Variants in PIBF1 observed in about 807,000 individuals in gnomAD.
PIBF1 encodes progesterone-induced-blocking factor 1.
Under a neutral mutation model 112.5 loss-of-function variants are expected in PIBF1, and 90 were observed. The observed-to-expected ratio is 0.80, with a 90% CI of 0.67 to 0.95. PIBF1 has a LOEUF of 0.95. PIBF1 is among the 40% of genes least tolerant of loss of function. PIBF1 has a pLI of 0.00. For synonymous variants in PIBF1, 301 were observed against 288.6 expected (o/e 1.04, Z -0.44); for missense variants, 915 against 852.3 (o/e 1.07, Z -0.92).
At chr13:72,786,336 T>C (rs901166939) in intron 2 of PIBF1, among the ~76,000 whole-genome samples, 24 of 152,362 alleles carry the variant, frequency 1.6e-4, no homozygotes, top group African/African-American at 5.8e-4. Context: ...CTGCTGTTTT[T>C]CTAATGTATT....
chr13:72,810,360 A>G (rs888020212), intron 5 of PIBF1, among the ~76,000 whole-genome samples: 2 of 152,238 alleles, frequency 1.3e-5, no homozygotes, highest in Non-Finnish European at 2.9e-5. Flanking sequence ...AAACTATTAA[A>G]TTTCATGAGG....
At chr13:72,916,681 A>G (rs991522484) in intron 12 of PIBF1, among the ~76,000 whole-genome samples, 5 of 152,104 alleles carry the variant, frequency 3.3e-5, no homozygotes, top group Non-Finnish European at 5.9e-5. Flanking sequence ...CTGATAAAAT[A>G]ATATTTGTCC....
At chr13:72,793,491 G>GTGCA (rs780531436) in intron 3 of PIBF1, among the ~76,000 whole-genome samples, 1 of 152,158 alleles carries the variant, frequency 6.6e-6, no homozygotes, top group Non-Finnish European at 1.5e-5. Context: ...TCCTGAGAAT[G>GTGCA]TGCATTTTTA....
At chr13:72,982,457 T>TA (rs1305907201) in intron 16 of PIBF1, among the ~76,000 whole-genome samples, 2 of 151,772 alleles carry the variant, frequency 1.3e-5, no homozygotes, top group Non-Finnish European at 2.9e-5. Flanking sequence ...AAAATAAAAA[T>TA]AAAAAAATAT....
At chr13:72,897,671 A>G (rs765030942) in intron 11 of PIBF1, among the ~76,000 whole-genome samples, 7 of 152,226 alleles carry the variant, frequency 4.6e-5, no homozygotes, top group Admixed American at 2.0e-4. Context: ...CTATTCTTAC[A>G]TCAGACAAAA....
At chr13:72,913,052 G>A (rs1399130934) in intron 12 of PIBF1, among the ~76,000 whole-genome samples, 1 of 151,164 alleles carries the variant, frequency 6.6e-6, no homozygotes, top group Non-Finnish European at 1.5e-5. Flanking sequence ...AAGGGGTGGG[G>A]GTAAAAATTT....
At position 72,928,029 on chromosome 13, in the gene PIBF1, A is replaced by G. The variant is rs1469779828; in HGVS notation, c.1731-3136A>G. Among the ~76,000 whole-genome samples the G allele has an allele frequency of 2.4e-3, 31 of 12,880 alleles. 2 individuals are homozygous for G. The South Asian group carries it at 0.1, about 42-fold the overall frequency. The allele number at this position is 12,880 out of a possible 152,430, so 8.4% of individuals were successfully genotyped here. The stretch of plus-strand genomic sequence containing the variant: ...TACATATATATACATATATATACAT[A>G]TATATATATATATATACATATATAT... On this transcript the variant is annotated intron_variant, in intron 13 of 17. Transcript: ENST00000326291.
chr13:72,938,804 A>G (rs2041939574), intron 14 of PIBF1, among the ~76,000 whole-genome samples: 1 of 152,218 alleles, frequency 6.6e-6, no homozygotes, highest in South Asian at 2.1e-4. Flanking sequence ...CAGGGGTTCC[A>G]ATTTTTCCAC....
intron 16 of PIBF1, among the ~76,000 whole-genome samples, chr13:72,995,655 T>C (rs1200832735): frequency 6.6e-6 from 1 of 151,870 alleles, no homozygotes; most frequent in African/African-American, 2.4e-5. Flanking sequence ...ATCTATATGT[T>C]TGAAAAAGAA....
At chr13:72,801,389 T>C (rs936703041) in intron 5 of PIBF1, among the ~76,000 whole-genome samples, 1 of 152,132 alleles carries the variant, frequency 6.6e-6, no homozygotes, top group Non-Finnish European at 1.5e-5. Flanking sequence ...GAAAAAGTTA[T>C]GTAATGAATG....
intron 11 of PIBF1, among the ~76,000 whole-genome samples, chr13:72,906,226 G>C (rs1263656610): frequency 6.6e-6 from 1 of 151,822 alleles, no homozygotes; most frequent in African/African-American, 2.4e-5. Context: ...ATTTATTTTT[G>C]CTTAATTATT....
intron 4 of PIBF1, 71 bp from the exon 5 acceptor site, chr13:72,797,836 G>C: frequency 8.7e-7 from 1 of 1,150,718 alleles, no homozygotes; most frequent in Non-Finnish European, 1.2e-6. Flanking sequence ...TGATAAGTGA[G>C]AGCACTACAA....
chr13:72,815,797 C>T (rs2036240354), intron 5 of PIBF1, among the ~76,000 whole-genome samples: 1 of 152,162 alleles, frequency 6.6e-6, no homozygotes, highest in Admixed American at 6.5e-5. Flanking sequence ...GCTTGAGTAG[C>T]TGGGAGTACA....
At chr13:72,890,052 A>C (rs1344259958) in intron 10 of PIBF1, among the ~76,000 whole-genome samples, 5 of 152,336 alleles carry the variant, frequency 3.3e-5, no homozygotes, top group African/African-American at 4.8e-5. Context: ...AGTTGGGAAT[A>C]AACCATATAC....
chr13:72,943,594 C>T (rs1014055090), intron 14 of PIBF1, among the ~76,000 whole-genome samples: 3 of 152,298 alleles, frequency 2.0e-5, no homozygotes, highest in Middle Eastern at 3.4e-3. Context: ...GATTCTTTAG[C>T]GTGGCATAGA....
intron 10 of PIBF1, among the ~76,000 whole-genome samples, chr13:72,885,699 T>C (rs1384436169): frequency 6.7e-6 from 1 of 150,092 alleles, no homozygotes; most frequent in Non-Finnish European, 1.5e-5. Context: ...ATGCCCAAGT[T>C]TTCCCCCAAG....
chr13:72,934,446 C>T (rs1169166200), intron 14 of PIBF1, among the ~76,000 whole-genome samples: 6 of 152,170 alleles, frequency 3.9e-5, no homozygotes, highest in East Asian at 3.9e-4. Context: ...TACAGGTGCA[C>T]GCCACCACGC....
intron 5 of PIBF1, among the ~76,000 whole-genome samples, chr13:72,804,682 C>A (rs1156576583): frequency 6.6e-6 from 1 of 152,162 alleles, no homozygotes; most frequent in African/African-American, 2.4e-5. Context: ...GGAGACCCCC[C>A]TGTTTCTGCA....
chr13:72,867,867 C>G (rs2038991742), intron 10 of PIBF1, among the ~76,000 whole-genome samples: 1 of 152,166 alleles, frequency 6.6e-6, no homozygotes, highest in Non-Finnish European at 1.5e-5. Flanking sequence ...CATTAAAATT[C>G]AAATGTTTTA....
Sources: allele counts gnomAD v4.1 joint callset (sites outside exome capture counted in the v4.1 genomes callset), GRCh38; gene constraint gnomAD v4.1.1; transcripts MANE v1.5; gene names NCBI Gene and HGNC (gene_info 2026-07-23, HGNC 2026-07-21).